GRTP1: variants seen among roughly 807,000 people sequenced by gnomAD.
The protein encoded by GRTP1 is growth hormone-regulated TBC protein 1.
In GRTP1, 56 loss-of-function variants were observed where a neutral mutation model predicts 38.1. The ratio of observed to expected loss-of-function variants is 1.47; its 90% confidence interval spans 1.19 to 1.84. The LOEUF (loss-of-function observed/expected upper bound fraction) is 1.84, where lower values mean the gene tolerates loss of function less well. Among genes scored for constraint, GRTP1 ranks in the 40% most tolerant of loss-of-function variants. GRTP1 has a pLI of 0.00. For synonymous variants in GRTP1, 217 were observed against 189.5 expected (o/e 1.14, Z -1.19); for missense variants, 506 against 453.9 (o/e 1.11, Z -1.04).
Position 113,364,032 on chromosome 13 carries a change from G to T in GRTP1, c.20C>A (p.Ser7Ter). The change falls in exon 1 of 8, where the codon TCG becomes TAG. Residue 7 changes from serine to a stop codon, truncating the protein, a stop_gained. Coordinates refer to ENST00000375431, the MANE Select transcript of GRTP1 (RefSeq NM_024719.4). LOFTEE classifies it high-confidence loss of function. ...CCGCGCCACACACCTGGGGACCCGC[G>T]AGCGCTCGGCGGGCTGCATGCGGGG... MQPAERSRVPRIDPYGF... is the reference protein window; with the variant it reads MQPAER 7.7e-7 allele frequency: 1 copy of T among 1,304,074 alleles called. No homozygotes were observed. The highest frequency in any genetic ancestry group is 2.6e-5 in the South Asian group (1 of 37,798). 80.8% of individuals were successfully genotyped at this position (1,304,074 alleles called of 1,614,324 possible).
rs2043216496 is a variant in GRTP1 at position 113,349,025 on chromosome 13, CA to C, written c.465+1823del. On this transcript the variant is annotated intron_variant, in intron 4 of 7. Transcript: ENST00000375431. The surrounding 1 kb of genome is among the most constrained non-coding windows in gnomAD (Gnocchi z 5.0). ...GCTCTGGCATTCTGTTAGTATGTAA[CA>C]TTGTGTTTGTGCCTTGTTTTTTAAG... Among the ~76,000 whole-genome samples, 1 of 152,174 alleles carries C rather than the reference CA, an allele frequency of 6.6e-6. No individual in the cohort carries two copies. The highest frequency in any genetic ancestry group is 1.5e-5 in the Non-Finnish European group (1 of 68,042).
At chr13:113,341,802 G>A (rs948636089) in intron 5 of GRTP1, among the ~76,000 whole-genome samples, 1 of 152,138 alleles carries the variant, frequency 6.6e-6, no homozygotes, top group Admixed American at 6.6e-5. Flanking sequence ...GTGAAGGCGG[G>A]TCGTCACTTT....
At chr13:113,333,838 A>ATTTAATTTATTTATTTAGTGT (rs749095615) in intron 5 of GRTP1, among the ~76,000 whole-genome samples, 1 of 23,544 alleles carries the variant, frequency 4.2e-5, no homozygotes, top group African/African-American at 6.8e-5. Context: ...TTATTTATTT[A>ATTTAATTTATTTATTTAGTGT]GTGTGTGTGT....
chr13:113,340,925 G>A (rs1040059902), intron 5 of GRTP1, among the ~76,000 whole-genome samples: 3 of 151,970 alleles, frequency 2.0e-5, no homozygotes, highest in Non-Finnish European at 2.9e-5. Context: ...AGTCAACTTC[G>A]TTAGGCTGTT....
chr13:113,347,619 T>A (rs368884093), intron 4 of GRTP1, among the ~76,000 whole-genome samples: 12 of 17,534 alleles, frequency 6.8e-4, no homozygotes, highest in East Asian at 1.1e-3. Context: ...CCTCTGTGGC[T>A]GAGAGCGGAC....
At chr13:113,345,441 G>A (rs532966303) in intron 4 of GRTP1, among the ~76,000 whole-genome samples, 3 of 152,248 alleles carry the variant, frequency 2.0e-5, no homozygotes, top group Non-Finnish European at 2.9e-5. Context: ...GCCAAAGGGC[G>A]GGTGCTGCCT....
chr13:113,355,468 G>C lies in GRTP1; in HGVS notation c.195C>G (p.Val65=). Residue 65 remains valine, a synonymous_variant, in exon 3 of 8, where the codon GTC becomes GTG. Coordinates refer to ENST00000375431, the MANE Select transcript of GRTP1 (RefSeq NM_024719.4). ...GGTGCTCCAGCGGGACCCCTTTCCG[G>C]ACATAGCGCTTCACTGAAGGCCGAG... ...VPRSRTVKRY[V]RKGVPLEHRA... is the part of the protein sequence containing the mutation. 1 of 1,611,352 alleles carries C rather than the reference G, an allele frequency of 6.2e-7. No individual in the cohort carries two copies. Among genetic ancestry groups the C allele is most frequent in the Non-Finnish European group, 8.5e-7 (1 of 1,178,148 alleles).
At chr13:113,339,086 G>T (rs1458167498) in intron 5 of GRTP1, among the ~76,000 whole-genome samples, 1 of 151,876 alleles carries the variant, frequency 6.6e-6, no homozygotes, top group African/African-American at 2.4e-5. Context: ...GCTAATTTTT[G>T]TATTTTTAGT....
Position 113,342,213 on chromosome 13 carries a change from C to T in GRTP1, c.562+2650G>A, listed in dbSNP as rs2043035800. Among the ~76,000 whole-genome samples, 1 of 152,146 alleles carries T rather than the reference C, an allele frequency of 6.6e-6. No homozygotes were observed. The highest frequency in any genetic ancestry group is 2.4e-5 in the African/African-American group (1 of 41,434). ...TCTTGCAAAGTGCTAGGATTACAGGCGTGAGCCACGGCTCCTGGCTGTCAC... is the reference window on the plus strand; with the variant it reads ...TCTTGCAAAGTGCTAGGATTACAGGTGTGAGCCACGGCTCCTGGCTGTCAC... On this transcript the variant is annotated intron_variant, in intron 5 of 7. Coordinates refer to ENST00000375431, the MANE Select transcript of GRTP1 (RefSeq NM_024719.4). This position sits in a 1 kb window ranked among gnomAD's most constrained non-coding sequence, Gnocchi z 4.5.
rs111811657 is a variant in GRTP1 at position 113,326,836 on chromosome 13, G to A, written c.563-745C>T. The stretch of plus-strand genomic sequence containing the variant: ...ACCAACATGTGAATGTCCACACGAC[G>A]GAATATTATTCAGCCTTAGAAAGGG... On this transcript the variant is annotated intron_variant, in intron 5 of 7. Coordinates refer to ENST00000375431, the MANE Select transcript of GRTP1 (RefSeq NM_024719.4). Among the ~76,000 whole-genome samples the A allele has an allele frequency of 3.9e-5, 6 of 152,280 alleles. No individual in the cohort carries two copies. The South Asian group carries it at 8.3e-4, about 21-fold the overall frequency.
At chr13:113,333,837 T>TATTTAG (rs1491094030) in intron 5 of GRTP1, among the ~76,000 whole-genome samples, 46 of 76,482 alleles carry the variant, frequency 6.0e-4, no homozygotes, top group Non-Finnish European at 8.1e-4. Context: ...TTTATTTATT[T>TATTTAG]AGTGTGTGTG....
chr13:113,350,777 T>C lies in GRTP1; in HGVS notation c.465+72A>G, dbSNP rs1168092432. 2.9e-6 allele frequency: 4 copies of C among 1,382,804 alleles called. No individual in the cohort carries two copies. The East Asian group carries it at 1.0e-4, about 35-fold the overall frequency. 85.7% of individuals were successfully genotyped at this position (1,382,804 alleles called of 1,614,324 possible). A position where few individuals can be genotyped will look rare whatever the true frequency, so the allele number is the denominator to read the frequency against. ...GTTGACAGAGACGTGAGGCCGTCAC[T>C]GCCGAGCCTGCAGCTGTGGACAGAC... On this transcript the variant is annotated intron_variant, in intron 4 of 7. Transcript: ENST00000375431.
At chr13:113,324,828 A>AT in intron 7 of GRTP1, 1 of 1,187,812 alleles carries the variant, frequency 8.4e-7, no homozygotes, top group South Asian at 2.5e-5. Flanking sequence ...CTTCCATTAG[A>AT]CTTTTTTTTT....
intron 2 of GRTP1, among the ~76,000 whole-genome samples, chr13:113,363,424 C>T (rs1295615829): frequency 6.6e-6 from 1 of 152,160 alleles, no homozygotes; most frequent in Non-Finnish European, 1.5e-5. Context: ...TCAGGCTGGT[C>T]TCAAACTCCT....
At chr13:113,330,292 C>A (rs1451549181) in intron 5 of GRTP1, among the ~76,000 whole-genome samples, 3 of 122,264 alleles carry the variant, frequency 2.5e-5, no homozygotes, top group Admixed American at 7.8e-5. Context: ...TGCGTGGAAA[C>A]TCAGGTGCGT....
chr13:113,345,041 C>T (rs1215570115), intron 4 of GRTP1, 82 bp from the exon 5 acceptor site: 4 of 1,472,220 alleles, frequency 2.7e-6, no homozygotes, highest in Admixed American at 5.1e-5. Context: ...CTACAAACTA[C>T]CCAGTTTCCA....
chr13:113,334,049 G>T (rs1275508295), intron 5 of GRTP1, among the ~76,000 whole-genome samples: 1 of 151,904 alleles, frequency 6.6e-6, no homozygotes. Flanking sequence ...TGGCCAAGCT[G>T]GTCCCGAACT....
intron 2 of GRTP1, among the ~76,000 whole-genome samples, chr13:113,357,589 T>C (rs2043419299): frequency 6.6e-6 from 1 of 152,086 alleles, no homozygotes; most frequent in African/African-American, 2.4e-5. Flanking sequence ...GAAAAACATG[T>C]TTTGCTTTAT....
At chr13:113,352,487 C>T (rs1314751134) in intron 3 of GRTP1, among the ~76,000 whole-genome samples, 1 of 150,870 alleles carries the variant, frequency 6.6e-6, no homozygotes, top group African/African-American at 2.4e-5. Context: ...GATCCTCCCA[C>T]CTCAGCTTCC....
Sources: gnomAD v4.1 joint callset for allele counts (sites outside exome capture counted in the v4.1 genomes callset) on GRCh38, gnomAD v4.1.1 for gene constraint, Gnocchi (gnomAD v3.1) non-coding constraint, MANE v1.5 for transcripts, NCBI Gene and HGNC (gene_info 2026-07-23, HGNC 2026-07-21) for gene names.